CELF2: variants seen among roughly 807,000 people sequenced by gnomAD.
CELF2 encodes CUG triplet repeat RNA-binding protein 2.
In CELF2, 8 loss-of-function variants were observed where a neutral mutation model predicts 62.6. That is an observed-to-expected ratio of 0.13 (90% CI 0.07 to 0.23). CELF2 has a LOEUF of 0.23. Ranked by LOEUF, CELF2 falls within the 10% of genes least tolerant of loss-of-function variation. The pLI, the probability that CELF2 is intolerant of heterozygous loss-of-function variation, is 1.00. For missense variants in CELF2, 333 were observed against 671.0 expected (o/e 0.50, Z 5.56); for synonymous variants, 258 against 250.0 (o/e 1.03, Z -0.30).
At chr10:10,734,549 C>T in the CELF2 span, among the ~76,000 whole-genome samples, 8 of 152,078 alleles carry the variant, frequency 5.3e-5, no homozygotes, top group Admixed American at 2.0e-4. Context: ...TAACCCAGGA[C>T]GGCTGGCAAA....
intron 5 of CELF2, among the ~76,000 whole-genome samples, chr10:11,258,234 C>T (rs1045341768): frequency 2.0e-5 from 3 of 152,140 alleles, no homozygotes; most frequent in Admixed American, 6.5e-5. Flanking sequence ...TCTTAGTCCT[C>T]GGGCTTCCTG....
the CELF2 span, among the ~76,000 whole-genome samples, chr10:10,690,522 A>T: frequency 8.4e-3 from 1,287 of 152,342 alleles, 7 homozygotes; most frequent in African/African-American, 0.011. Flanking sequence ...CCCATCAAGC[A>T]TCCCATCAGT....
rs1031997828 is a variant in CELF2, at chr10:11,285,513, C to T, written c.842-2905C>T. Among the ~76,000 whole-genome samples the T allele has an allele frequency of 2.0e-5, 3 of 152,136 alleles. No individual in the cohort carries two copies. Among genetic ancestry groups the T allele is most frequent in the African/African-American group, 7.2e-5 (3 of 41,418 alleles). ...CCCTTAGCCCTGGATCCTAAAGGAG[C>T]GGGCAGTGGAGAGAACCTGAGTGCT... On this transcript the variant is annotated intron_variant, in intron 8 of 12. Transcript: ENST00000633077. The surrounding 1 kb of genome is among the most constrained non-coding windows in gnomAD (Gnocchi z 4.3).
At chr10:11,070,340 C>T (rs902695428) in intron 1 of CELF2, among the ~76,000 whole-genome samples, 6 of 152,182 alleles carry the variant, frequency 3.9e-5, no homozygotes, top group East Asian at 1.9e-4. Flanking sequence ...GGAGAGGATG[C>T]GGGCACCCAT....
rs552522916 is a variant in CELF2 at position 10,850,896 on chromosome 10, C to T, written c.53+52079C>T. On this transcript the variant is annotated intron_variant, in intron 1 of 13. Coordinates refer to the CELF2 transcript ENST00000636488. ...CCTCAGCTCACTGCGACCTCTGCCT[C>T]CTGGGTTCAAGTGATTCTCTTGCCT... Among the ~76,000 whole-genome samples the T allele has an allele frequency of 2.6e-5, 4 of 152,244 alleles. No homozygotes were observed. The East Asian group carries it at 7.7e-4, about 29-fold the overall frequency.
chr10:11,114,781 C>T lies in CELF2; in HGVS notation c.75-50705C>T, dbSNP rs939026853. ...TGTTTATACTCTGAAAAGATCAATA[C>T]CTCTTTTTCTACACCCACTACAGAA... On this transcript the variant is annotated intron_variant, in intron 1 of 12. Coordinates refer to ENST00000633077, the MANE Select transcript of CELF2 (RefSeq NM_001326342.2). 2.0e-5 allele frequency among the ~76,000 whole-genome samples: 3 copies of T among 152,190 alleles called. No individual in the cohort carries two copies. The South Asian group carries it at 6.2e-4, about 32-fold the overall frequency.
intron 1 of CELF2, among the ~76,000 whole-genome samples, chr10:10,869,690 G>A (rs2133343725): frequency 6.6e-6 from 1 of 152,146 alleles, no homozygotes; most frequent in Admixed American, 6.5e-5. Flanking sequence ...TACAAAATAG[G>A]CAGCCTTTGG....
chr10:10,988,279 A>G (rs12268213), intron 2 of CELF2, among the ~76,000 whole-genome samples: 60 of 111,838 alleles, frequency 5.4e-4, no homozygotes, highest in South Asian at 2.0e-3. Flanking sequence ...GTGTGTGTGT[A>G]TATATATATA....
chr10:11,116,279 T>G (rs1249523431), intron 1 of CELF2, among the ~76,000 whole-genome samples: 1 of 152,256 alleles, frequency 6.6e-6, no homozygotes, highest in Non-Finnish European at 1.5e-5. Context: ...TTCAGCAGTC[T>G]GTTATTAGAC....
chr10:11,273,364 G>C (rs940924179), intron 7 of CELF2, among the ~76,000 whole-genome samples: 2 of 152,122 alleles, frequency 1.3e-5, no homozygotes, highest in Admixed American at 6.5e-5. Context: ...GCACGAACCT[G>C]GTCTAAACTG....
At chr10:11,158,859 C>G (rs977546404) in intron 1 of CELF2, among the ~76,000 whole-genome samples, 2 of 152,144 alleles carry the variant, frequency 1.3e-5, no homozygotes, top group Admixed American at 6.5e-5. Flanking sequence ...TGTGTTATTT[C>G]TTAGTTGTTT....
At chr10:10,516,556 G>C in the CELF2 span, among the ~76,000 whole-genome samples, 1 of 152,068 alleles carries the variant, frequency 6.6e-6, no homozygotes, top group African/African-American at 2.4e-5. Context: ...ATAAACTGCA[G>C]CTGTTTTTAG....
In CELF2 at chr10:10,947,748, C is replaced by T. The variant is rs2047855936; in HGVS notation, c.89+27749C>T. Among the ~76,000 whole-genome samples the T allele has an allele frequency of 6.6e-6, 1 of 152,224 alleles. No individual in the cohort carries two copies. Among genetic ancestry groups the T allele is most frequent in the Non-Finnish European group, 1.5e-5 (1 of 68,028 alleles). ...CAAGGTCATGAGTAGCGTAAGAAGA[C>T]ACATACACACATCTTCACCACAGAA... On this transcript the variant is annotated intron_variant, in intron 2 of 13. Coordinates refer to the CELF2 transcript ENST00000636488. This position sits in a 1 kb window ranked among gnomAD's most constrained non-coding sequence, Gnocchi z 4.1.
chr10:11,319,537 A>T lies in CELF2; in HGVS notation c.1097-1652A>T, dbSNP rs983865219. ...CTTACTTGCATGACCCAAAGAAAAC[A>T]TTAATGAAAATCTCAATGATTTTCA... On this transcript the variant is annotated intron_variant, in intron 10 of 12. Coordinates refer to ENST00000633077, the MANE Select transcript of CELF2 (RefSeq NM_001326342.2). The surrounding 1 kb of genome is among the most constrained non-coding windows in gnomAD (Gnocchi z 4.4). Among the ~76,000 whole-genome samples, 1 of 152,176 alleles carries T rather than the reference A, an allele frequency of 6.6e-6. No individual in the cohort carries two copies. Among genetic ancestry groups the T allele is most frequent in the Non-Finnish European group, 1.5e-5 (1 of 68,034 alleles).
At chr10:11,126,643 A>G (rs1474149367) in intron 1 of CELF2, among the ~76,000 whole-genome samples, 1 of 152,230 alleles carries the variant, frequency 6.6e-6, no homozygotes, top group Non-Finnish European at 1.5e-5. Flanking sequence ...AGTGCTGTCA[A>G]TATACAAAAC....
chr10:11,058,067 G>GA (rs1179122174), intron 1 of CELF2, among the ~76,000 whole-genome samples: 2 of 132,114 alleles, frequency 1.5e-5, no homozygotes, highest in Non-Finnish European at 3.3e-5. Context: ...ATTATCTGAA[G>GA]AGGAAAAAAA....
At chr10:10,742,116 G>T in the CELF2 span, among the ~76,000 whole-genome samples, 1 of 152,014 alleles carries the variant, frequency 6.6e-6, no homozygotes, top group Non-Finnish European at 1.5e-5. Context: ...TAATTGATAG[G>T]TTCTTGGAAA....
At chr10:10,991,801 A>G (rs188041262) in intron 2 of CELF2, among the ~76,000 whole-genome samples, 2 of 152,180 alleles carry the variant, frequency 1.3e-5, no homozygotes, top group Admixed American at 6.5e-5. Flanking sequence ...ACAACACTTT[A>G]TCCCATAATT....
chr10:10,817,451 C>G (rs1175075881), intron 1 of CELF2, among the ~76,000 whole-genome samples: 1 of 152,124 alleles, frequency 6.6e-6, no homozygotes, highest in South Asian at 2.1e-4. Context: ...CATTAACCAT[C>G]CCCAGCTTCC....
Sources: gnomAD v4.1 joint callset for allele counts (sites outside exome capture counted in the v4.1 genomes callset) on GRCh38, gnomAD v4.1.1 for gene constraint, Gnocchi (gnomAD v3.1) non-coding constraint, MANE v1.5 for transcripts, NCBI Gene and HGNC (gene_info 2026-07-23, HGNC 2026-07-21) for gene names.